Variants in SLC1A5 observed in about 807,000 individuals in gnomAD.
SLC1A5 encodes solute carrier family 1 member 5.
In SLC1A5, 25 loss-of-function variants were observed where a neutral mutation model predicts 34.9. The observed-to-expected ratio is 0.72, with a 90% CI of 0.52 to 1.00. The LOEUF is 1.00. Ranked by LOEUF, SLC1A5 falls within the 50% of genes least tolerant of loss-of-function variation. The pLI is 0.00. For synonymous variants in SLC1A5, 351 were observed against 341.2 expected, an observed-to-expected ratio of 1.03 and a Z score of -0.32; for missense variants, 637 against 740.0, an observed-to-expected ratio of 0.86 and a Z score of 1.61.
intron 5 of SLC1A5, among the ~76,000 whole-genome samples, chr19:46,778,331 A>G (rs890714912): frequency 1.3e-5 from 2 of 152,188 alleles, no homozygotes; most frequent in Non-Finnish European, 2.9e-5. Flanking sequence ...CGGGAGGCTG[A>G]GGCAGAGAAT....
In SLC1A5 at chr19:46,787,715, T is replaced by C; in HGVS notation, c.251A>G (p.Glu84Gly). 6.3e-7 allele frequency: 1 copy of C among 1,576,712 alleles called. No individual in the cohort carries two copies. The highest frequency in any genetic ancestry group is 8.6e-7 in the Non-Finnish European group (1 of 1,166,040). The change falls in exon 1 of 8, where the codon GAG (glutamate) becomes GGG (glycine). Residue 84 changes from glutamate to glycine, a missense_variant. Physicochemically the swap from Glu to Gly is moderately conservative, Grantham distance 98. Transcript: ENST00000542575. The surrounding 1 kb of genome is among the most constrained non-coding windows in gnomAD (Gnocchi z 5.2). ...CGGGAAGACGAAGGCGCTCAAGCGC[T>C]CCGGGCCCAACGCCAGCGCACCCCC... ...GAGGALALGP[E>G]RLSAFVFPGE...
At position 46,787,943 on chromosome 19, in the gene SLC1A5, T is replaced by C; in HGVS notation, c.23A>G (p.Asp8Gly). ...CTCCGCCGCTGCGAGCCCCTTGGAG[T>C]CTCGAGGAGGATCGGCCACCATGAT... Reference protein sequence around the residue: MVADPPRDSKGLAAAEPT... With the variant: MVADPPRGSKGLAAAEPT... Residue 8 changes from aspartate to glycine, a missense_variant, in exon 1 of 8, where the codon GAC becomes GGC. Transcript: ENST00000542575. The surrounding 1 kb of genome is among the most constrained non-coding windows in gnomAD (Gnocchi z 5.2). 1 of 1,568,628 alleles carries C rather than the reference T, an allele frequency of 6.4e-7. No homozygotes were observed.
At chr19:46,784,234 C>T (rs1301921965) in intron 2 of SLC1A5, 90 bp from the exon 3 acceptor site, 5 of 1,019,198 alleles carry the variant, frequency 4.9e-6, no homozygotes, top group African/African-American at 3.2e-5. Context: ...GCCTGCCCTT[C>T]CACATCCTTT....
chr19:46,785,437 T>G (rs1165247327), intron 1 of SLC1A5, among the ~76,000 whole-genome samples: 1 of 152,196 alleles, frequency 6.6e-6, no homozygotes, highest in Non-Finnish European at 1.5e-5. Context: ...GGCAGGCATT[T>G]TGGCCTGTGC....
At chr19:46,780,297 C>T (rs1465478030) in intron 4 of SLC1A5, among the ~76,000 whole-genome samples, 4 of 152,020 alleles carry the variant, frequency 2.6e-5, no homozygotes, top group Admixed American at 2.0e-4. Context: ...TCATGCCACA[C>T]TGCACTCCAA....
rs202164067 is a variant in SLC1A5 at position 46,777,280 on chromosome 19, C to A, written c.1184G>T (p.Cys395Phe). Residue 395 changes from cysteine to phenylalanine, a missense_variant, in exon 6 of 8, where the codon TGC (cysteine) becomes TTC (phenylalanine). Physicochemically the swap from Cys to Phe is radical, Grantham distance 205. Coordinates refer to ENST00000542575, the MANE Select transcript of SLC1A5 (RefSeq NM_005628.3). ...CTGTGCAATGAACACTGCGGCCACG[C>A]ACTGGAAGAGCGCGGCACCGTCCAT... ...VNMDGAALFQCVAAVFIAQLS... is the reference protein window; with the variant it reads ...VNMDGAALFQFVAAVFIAQLS... 8.7e-6 allele frequency: 14 copies of A among 1,613,494 alleles called. No individual in the cohort carries two copies. The highest frequency in any genetic ancestry group is 1.6e-4 in the Middle Eastern group (1 of 6,076).
chr19:46,782,804 G>A (rs967953092), intron 3 of SLC1A5, among the ~76,000 whole-genome samples: 7 of 152,168 alleles, frequency 4.6e-5, no homozygotes, highest in African/African-American at 7.2e-5. Context: ...GGGGAGTAGG[G>A]GGCAGTCAGG....
chr19:46,785,330 C>G (rs1237576276), intron 1 of SLC1A5, among the ~76,000 whole-genome samples: 1 of 152,080 alleles, frequency 6.6e-6, no homozygotes, highest in Admixed American at 6.6e-5. Context: ...TGCAGTGAAC[C>G]AAGATCAAGC....
At chr19:46,780,403 G>A (rs1037045601) in intron 4 of SLC1A5, among the ~76,000 whole-genome samples, 1 of 151,828 alleles carries the variant, frequency 6.6e-6, no homozygotes, top group Non-Finnish European at 1.5e-5. Flanking sequence ...GCCCAGGCTG[G>A]AGTGTACTGT....
intron 4 of SLC1A5, among the ~76,000 whole-genome samples, chr19:46,779,121 C>T (rs751986635): frequency 1.3e-5 from 2 of 152,102 alleles, no homozygotes; most frequent in Non-Finnish European, 2.9e-5. Flanking sequence ...TAGAGCAGCC[C>T]GGAGATAAAA....
chr19:46,784,041 A>G, intron 3 of SLC1A5, 56 bp downstream of exon 3: 2 of 1,455,468 alleles, frequency 1.4e-6, no homozygotes, highest in Non-Finnish European at 1.9e-6. Context: ...ATAAAACCAA[A>G]AAATTATAGC....
intron 5 of SLC1A5, among the ~76,000 whole-genome samples, chr19:46,778,384 C>T (rs2055114319): frequency 6.6e-6 from 1 of 152,102 alleles, no homozygotes; most frequent in Non-Finnish European, 1.5e-5. Flanking sequence ...GCTGAGATCA[C>T]ACCACTACAC....
intron 4 of SLC1A5, among the ~76,000 whole-genome samples, chr19:46,779,523 A>G (rs981651395): frequency 6.6e-5 from 10 of 151,850 alleles, no homozygotes; most frequent in African/African-American, 2.4e-4. Flanking sequence ...AATGTCCATC[A>G]AGGTGCGCCA....
Position 46,787,606 on chromosome 19 carries a change from G to T in SLC1A5, c.360C>A (p.Asp120Glu). Residue 120 changes from aspartate to glutamate, a missense_variant, in exon 1 of 8, where the codon GAC becomes GAA. Transcript: ENST00000542575. This position sits in a 1 kb window ranked among gnomAD's most constrained non-coding sequence, Gnocchi z 5.2. ...CGCCCAGACGGCCGAGCGCGCCGGG[G>T]TCCAGGCTGGCGGCGCCGCCGATCA... ...CSLIGGAASL[D>E]PGALGRLGAW... 1 of 1,562,612 alleles carries T rather than the reference G, an allele frequency of 6.4e-7. No homozygotes were observed.
chr19:46,778,142 G>GC (rs1219180788), intron 5 of SLC1A5, among the ~76,000 whole-genome samples: 1 of 152,106 alleles, frequency 6.6e-6, no homozygotes, highest in African/African-American at 2.4e-5. Context: ...GAACTTAAGA[G>GC]CCCCCCAGGG....
chr19:46,784,465 G>A, intron 2 of SLC1A5, 52 bp downstream of exon 2: 1 of 1,605,160 alleles, frequency 6.2e-7, no homozygotes, highest in African/African-American at 1.3e-5. Flanking sequence ...CCCCCTGGCT[G>A]GCATCCCTCC....
At position 46,777,325 on chromosome 19, in the gene SLC1A5, G is replaced by T. The variant is rs1421763867; in HGVS notation, c.1139C>A (p.Pro380His). Residue 380 changes from proline (P) to histidine (H), a missense_variant, in exon 6 of 8, where the codon CCC becomes CAC. Physicochemically the swap from Pro to His is moderately conservative, Grantham distance 77 (BLOSUM62 -2). Coordinates refer to ENST00000542575, the MANE Select transcript of SLC1A5 (RefSeq NM_005628.3). ...GTCCATGTTGACGGTGGCGCCGATG[G>T]GCAGGATGAAACGGCTGATGTGCTT... Reference protein sequence around the residue: ...VAKHISRFILPIGATVNMDGA... With the variant: ...VAKHISRFILHIGATVNMDGA... 1 of 1,613,790 alleles carries T rather than the reference G, an allele frequency of 6.2e-7. No homozygotes were observed.
rs553375290 is a variant in SLC1A5, at chr19:46,784,286, G to A, written c.610-142C>T. On this transcript the variant is annotated intron_variant, in intron 2 of 7. Coordinates refer to ENST00000542575, the MANE Select transcript of SLC1A5 (RefSeq NM_005628.3). ...CATCTGCTGGCAACCCCATGGGGCA[G>A]GATGATCAATACCCCCATTTTCCAG... The A allele has an allele frequency of 1.0e-5, 8 of 795,210 alleles. No individual in the cohort carries two copies. In the African/African-American group the frequency reaches 1.4e-4, roughly 14 times the overall value. The allele number at this position is 795,210 out of a possible 1,614,324, so 49.3% of individuals were successfully genotyped here.
At chr19:46,783,033 C>T (rs1333166465) in intron 3 of SLC1A5, among the ~76,000 whole-genome samples, 2 of 152,112 alleles carry the variant, frequency 1.3e-5, no homozygotes, top group African/African-American at 2.4e-5. Flanking sequence ...GGCAGCCAGG[C>T]GGGCTGGCAG....
Sources: gnomAD v4.1 joint callset for allele counts (sites outside exome capture counted in the v4.1 genomes callset) on GRCh38, gnomAD v4.1.1 for gene constraint, Gnocchi (gnomAD v3.1) non-coding constraint, MANE v1.5 for transcripts, NCBI Gene and HGNC (gene_info 2026-07-23, HGNC 2026-07-21) for gene names.